Variants in TSNARE1 observed in about 807,000 individuals in gnomAD.
TSNARE1 encodes t-SNARE domain containing 1.
TSNARE1 carries 49 observed loss-of-function variants against 62.0 expected under a neutral mutation model. The ratio of observed to expected loss-of-function variants is 0.79; its 90% CI spans 0.63 to 1.00. The LOEUF (loss-of-function observed/expected upper bound fraction) is 1.00. Ranked by LOEUF, TSNARE1 falls within the 50% of genes least tolerant of loss-of-function variation. The probability of loss-of-function intolerance (pLI) is 0.00; values close to 1 mark genes in which losing one functional copy is unlikely to be tolerated. For synonymous variants in TSNARE1, 328 were observed against 294.4 expected, an observed-to-expected ratio of 1.11 and a Z score of -1.17; for missense variants, 755 against 700.1, an observed-to-expected ratio of 1.08 and a Z score of -0.88.
chr8:142,300,869 A>G (rs987156249), intron 9 of TSNARE1, among the ~76,000 whole-genome samples: 24 of 152,160 alleles, frequency 1.6e-4, no homozygotes, highest in African/African-American at 5.8e-4. Flanking sequence ...CACAGACGTC[A>G]GTCCCCAGTG....
intron 12 of TSNARE1, among the ~76,000 whole-genome samples, chr8:142,253,641 G>A (rs998786510): frequency 8.5e-5 from 13 of 152,192 alleles, no homozygotes; most frequent in Admixed American, 2.0e-4. Flanking sequence ...CCCCTGCCTC[G>A]AGGTCACTCT....
At position 142,345,800 on chromosome 8, in the gene TSNARE1, C is replaced by T. The variant is rs147598425; in HGVS notation, c.181G>A (p.Gly61Arg). The T allele has an allele frequency of 3.8e-4, 615 of 1,613,870 alleles. 4 individuals are homozygous for T. The African/African-American group carries it at 7.5e-3, about 20-fold the overall frequency. ...KLQNRCVGKD[G>R]EGDLGPAGTP... ...CCTGCTGGCCCCAGATCACCTTCCC[C>T]GTCCTTCCCCACACAGCGGTTCTGC... Residue 61 changes from glycine to arginine, a missense_variant, in exon 3 of 14, where the codon GGG becomes AGG. By Grantham distance (125) the Gly-to-Arg change is moderately radical. Coordinates refer to ENST00000524325, the MANE Select transcript of TSNARE1 (RefSeq NM_145003.5).
chr8:142,217,697 C>T (rs1157432883), intron 13 of TSNARE1, among the ~76,000 whole-genome samples: 1 of 152,268 alleles, frequency 6.6e-6, no homozygotes, highest in Non-Finnish European at 1.5e-5. Flanking sequence ...GGTTTAGGTT[C>T]AGCCTGTGAC....
intron 10 of TSNARE1, among the ~76,000 whole-genome samples, chr8:142,290,041 C>T (rs560966110): frequency 7.9e-5 from 12 of 152,340 alleles, no homozygotes; most frequent in African/African-American, 2.9e-4. Flanking sequence ...CCTGGGCAGG[C>T]CTCGGCTCCT....
intron 12 of TSNARE1, among the ~76,000 whole-genome samples, chr8:142,254,120 G>A (rs995118619): frequency 6.6e-6 from 1 of 152,256 alleles, no homozygotes; most frequent in Middle Eastern, 3.2e-3. Context: ...GACAGCCGTG[G>A]GCTCTGGCCC....
intron 1 of TSNARE1, among the ~76,000 whole-genome samples, chr8:142,389,912 T>C (rs1176618317): frequency 6.6e-6 from 1 of 152,180 alleles, no homozygotes; most frequent in Admixed American, 6.5e-5. Flanking sequence ...AGAGTATATC[T>C]TCACACACCA....
chr8:142,328,130 G>T (rs1013006681), intron 6 of TSNARE1, among the ~76,000 whole-genome samples: 4 of 151,730 alleles, frequency 2.6e-5, no homozygotes, highest in Non-Finnish European at 4.4e-5. Flanking sequence ...TCTTACTAAA[G>T]AATATATCAT....
intron 2 of TSNARE1, among the ~76,000 whole-genome samples, chr8:142,349,836 A>G (rs1833858828): frequency 6.6e-6 from 1 of 152,172 alleles, no homozygotes; most frequent in Non-Finnish European, 1.5e-5. Flanking sequence ...AAAGCTCATG[A>G]GCAGCAGGGT....
At chr8:142,215,377 G>A (rs542912884) in intron 13 of TSNARE1, among the ~76,000 whole-genome samples, 33 of 152,262 alleles carry the variant, frequency 2.2e-4, no homozygotes, top group African/African-American at 6.5e-4. Flanking sequence ...GGTCTAATGC[G>A]AGGTGGCAGC....
At chr8:142,228,093 A>G (rs1198269623) in intron 13 of TSNARE1, among the ~76,000 whole-genome samples, 2 of 152,196 alleles carry the variant, frequency 1.3e-5, no homozygotes, top group Non-Finnish European at 2.9e-5. Flanking sequence ...CCAGCTTTGA[A>G]TGGATCCTTC....
At chr8:142,220,615 C>A (rs74865482) in intron 13 of TSNARE1, among the ~76,000 whole-genome samples, 9,624 of 152,298 alleles carry the variant, frequency 0.063, 337 homozygotes, top group African/African-American at 0.095. Flanking sequence ...TTCTGATCCG[C>A]TCAGCACAGA....
intron 11 of TSNARE1, chr8:142,278,968 G>A (rs1274581564): frequency 1.3e-5 from 3 of 233,478 alleles, no homozygotes; most frequent in African/African-American, 4.7e-5. Flanking sequence ...TGCTCCCTGG[G>A]AGCTATGTCA....
At chr8:142,279,803 T>C in intron 11 of TSNARE1, 1 of 913,832 alleles carries the variant, frequency 1.1e-6, no homozygotes. Flanking sequence ...TCGCCGGCCC[T>C]GCTTGCCCCA....
chr8:142,400,158 A>T (rs1332163926), intron 1 of TSNARE1, among the ~76,000 whole-genome samples: 1 of 151,798 alleles, frequency 6.6e-6, no homozygotes, highest in Non-Finnish European at 1.5e-5. Context: ...CAAAAAGAAG[A>T]AGTGGCTGGG....
At chr8:142,216,736 C>A in intron 13 of TSNARE1, among the ~76,000 whole-genome samples, 1 of 152,210 alleles carries the variant, frequency 6.6e-6, no homozygotes, top group East Asian at 1.9e-4. Context: ...CAAGGATCAA[C>A]CCCTCTGAGC....
chr8:142,278,576 G>A (rs1488609168), intron 11 of TSNARE1: 1 of 985,418 alleles, frequency 1.0e-6, no homozygotes, highest in East Asian at 1.1e-4. Flanking sequence ...AGGTGCGGTG[G>A]GAGGAGGCAC....
At chr8:142,382,160 T>C (rs1214427361) in intron 1 of TSNARE1, among the ~76,000 whole-genome samples, 1 of 152,026 alleles carries the variant, frequency 6.6e-6, no homozygotes, top group African/African-American at 2.4e-5. Context: ...TGCTCATGTG[T>C]GCGACAGAGA....
chr8:142,229,549 G>A lies in TSNARE1; in HGVS notation c.1477C>T (p.Leu493=), dbSNP rs1817004725. 6.2e-7 allele frequency: 1 copy of A among 1,613,924 alleles called. No homozygotes were observed. Among genetic ancestry groups the A allele is most frequent in the African/African-American group, 1.3e-5 (1 of 74,910 alleles). ...LQRHKIKCCF[L]SAGVTALLVI... The stretch of plus-strand genomic sequence containing the variant: ...AGCAGGGCAGTGACTCCAGCTGATA[G>A]GAAGCAGCACTTGATCTTGTGTCTC... The change falls in exon 13 of 14, where the codon CTA becomes TTA. Residue 493 remains leucine (L), a synonymous_variant. Coordinates refer to ENST00000524325, the MANE Select transcript of TSNARE1 (RefSeq NM_145003.5).
chr8:142,347,349 G>A (rs543210109), intron 2 of TSNARE1, among the ~76,000 whole-genome samples: 3 of 152,346 alleles, frequency 2.0e-5, no homozygotes, highest in African/African-American at 7.2e-5. Flanking sequence ...CCAAGTCACA[G>A]AGGGAGGGAT....
Sources: gnomAD v4.1 joint callset for allele counts (sites outside exome capture counted in the v4.1 genomes callset) on GRCh38, gnomAD v4.1.1 for gene constraint, MANE v1.5 for transcripts, NCBI Gene and HGNC (gene_info 2026-07-23, HGNC 2026-07-21) for gene names.